SPTLC2: variants seen among roughly 807,000 people sequenced by gnomAD.
SPTLC2 encodes serine palmitoyltransferase 2.
Under a neutral mutation model 62.0 loss-of-function variants are expected in SPTLC2, and 21 were observed. That is an observed-to-expected ratio of 0.34 (90% confidence interval 0.24 to 0.49). The LOEUF (loss-of-function observed/expected upper bound fraction) is 0.49. Ranked by LOEUF, SPTLC2 falls within the 20% of genes least tolerant of loss-of-function variation. The probability of loss-of-function intolerance (pLI) is 0.99; values close to 1 mark genes in which losing one functional copy is unlikely to be tolerated. For synonymous variants in SPTLC2, 261 were observed against 261.8 expected (o/e 1.00, Z 0.03); for missense variants, 511 against 713.0 (o/e 0.72, Z 3.23).
intron 2 of SPTLC2, among the ~76,000 whole-genome samples, chr14:77,587,271 A>G (rs2079787031): frequency 6.6e-6 from 1 of 152,094 alleles, no homozygotes; most frequent in East Asian, 1.9e-4. Flanking sequence ...TAGGTGTACA[A>G]ACCAGTACAA....
At chr14:77,575,983 C>G (rs542713984) in intron 4 of SPTLC2, among the ~76,000 whole-genome samples, 1 of 152,140 alleles carries the variant, frequency 6.6e-6, no homozygotes, top group Non-Finnish European at 1.5e-5. Flanking sequence ...GTGAAACATG[C>G]GAATGAAGAA....
At chr14:77,560,961 C>T (rs1262051472) in intron 6 of SPTLC2, among the ~76,000 whole-genome samples, 1 of 150,978 alleles carries the variant, frequency 6.6e-6, no homozygotes, top group Non-Finnish European at 1.5e-5. Context: ...GTACACAAAC[C>T]CCCGAGACAT....
intron 9 of SPTLC2, among the ~76,000 whole-genome samples, chr14:77,532,651 GCA>G (rs2079446422): frequency 6.6e-6 from 1 of 152,082 alleles, no homozygotes; most frequent in Non-Finnish European, 1.5e-5. Context: ...GGGTGTGGTG[GCA>G]GGCGCCTGTA....
Position 77,521,362 on chromosome 14 carries a change from T to C in SPTLC2, c.1439+84A>G, listed in dbSNP as rs193189186. 316 of 1,567,910 alleles carry C rather than the reference T, an allele frequency of 2.0e-4. No individual in the cohort carries two copies. The African/African-American group carries it at 3.8e-3, about 19-fold the overall frequency. Reference sequence around the variant, plus strand: ...TAACACAGTAAGGACAAGACCATTTTCCCTAACAAAATACATAAGCCCTGG... The same window carrying C: ...TAACACAGTAAGGACAAGACCATTTCCCCTAACAAAATACATAAGCCCTGG... On this transcript the variant is annotated intron_variant, in intron 10 of 11. Coordinates refer to ENST00000216484, the MANE Select transcript of SPTLC2 (RefSeq NM_004863.4).
chr14:77,596,117 C>T (rs2079845589), intron 2 of SPTLC2, among the ~76,000 whole-genome samples: 1 of 152,086 alleles, frequency 6.6e-6, no homozygotes, highest in South Asian at 2.1e-4. Context: ...GTGGGTGGAT[C>T]ACAAGGTCAG....
chr14:77,544,016 C>T (rs1022440276), intron 9 of SPTLC2, among the ~76,000 whole-genome samples: 6 of 151,868 alleles, frequency 4.0e-5, no homozygotes, highest in African/African-American at 1.2e-4. Context: ...AGAGGATTGT[C>T]AAAAAGACAA....
At chr14:77,567,347 A>G (rs2079651060) in intron 5 of SPTLC2, among the ~76,000 whole-genome samples, 1 of 152,240 alleles carries the variant, frequency 6.6e-6, no homozygotes, top group South Asian at 2.1e-4. Flanking sequence ...GTAAGCATAC[A>G]GAGAGAAGAG....
At chr14:77,590,630 T>A (rs12885003) in intron 2 of SPTLC2, among the ~76,000 whole-genome samples, 60,448 of 152,082 alleles carry the variant, frequency 0.4, 12,593 homozygotes, top group East Asian at 0.61. Context: ...GAGAATTGCT[T>A]GAACCTGGGA....
At chr14:77,521,692 T>C (rs1254549261) in intron 9 of SPTLC2, 111 bp from the exon 10 acceptor site, 1 of 989,968 alleles carries the variant, frequency 1.0e-6, no homozygotes, top group African/African-American at 1.6e-5. Context: ...GTTTCGTTTT[T>C]TTCCATTTCA....
chr14:77,522,709 G>A (rs900108695), intron 9 of SPTLC2, among the ~76,000 whole-genome samples: 12 of 152,102 alleles, frequency 7.9e-5, no homozygotes, highest in Admixed American at 7.2e-4. Flanking sequence ...AGATCTGCTT[G>A]GAAAGGGCTA....
intron 1 of SPTLC2, among the ~76,000 whole-genome samples, chr14:77,598,395 T>G (rs1468270049): frequency 6.6e-6 from 1 of 152,202 alleles, no homozygotes; most frequent in African/African-American, 2.4e-5. Context: ...AGAGAAAGCC[T>G]GTCCCAAAAA....
At chr14:77,564,307 G>A (rs1447830869) in intron 5 of SPTLC2, among the ~76,000 whole-genome samples, 2 of 147,826 alleles carry the variant, frequency 1.4e-5, no homozygotes, top group Non-Finnish European at 3.0e-5. Flanking sequence ...AGGAGGAGAA[G>A]GAGGAGAAGG....
chr14:77,554,492 T>G (rs1485389571), intron 8 of SPTLC2, among the ~76,000 whole-genome samples: 2 of 152,242 alleles, frequency 1.3e-5, no homozygotes, highest in African/African-American at 4.8e-5. Context: ...TCACATATTT[T>G]AAAACATGCA....
At chr14:77,613,328 T>C (rs2079947836) in intron 1 of SPTLC2, among the ~76,000 whole-genome samples, 2 of 152,230 alleles carry the variant, frequency 1.3e-5, no homozygotes, top group Non-Finnish European at 2.9e-5. Context: ...CCAATGCTAA[T>C]GTAAAAGTTT....
At position 77,507,122 on chromosome 14, in the gene SPTLC2, A is replaced by G. The variant is rs1241105099; in HGVS notation, c.*5162T>C. On this transcript the variant is annotated 3_prime_UTR_variant, in exon 12 of 12. Transcript: ENST00000216484. ...AAAAAACATTTCTATTAGGGTCTTA[A>G]CCTAGCCCCTTTGGTTTCCTCCCTA... 1 of 152,214 alleles carries G rather than the reference A, an allele frequency of 6.6e-6. No individual in the cohort carries two copies. The highest frequency in any genetic ancestry group is 1.9e-4 in the East Asian group (1 of 5,200). The allele number at this position is 152,214 out of a possible 1,614,324, so 9.4% of individuals were successfully genotyped here. A position where few individuals can be genotyped will look rare whatever the true frequency, so the allele number is the denominator to read the frequency against.
chr14:77,519,918 TTTA>T (rs2079377877), intron 10 of SPTLC2, among the ~76,000 whole-genome samples: 1 of 152,030 alleles, frequency 6.6e-6, no homozygotes, highest in Admixed American at 6.6e-5. Flanking sequence ...AATGCACAAA[TTTA>T]TTTTTTCTCA....
chr14:77,572,966 CA>C (rs2079692126), intron 4 of SPTLC2, among the ~76,000 whole-genome samples: 1 of 152,224 alleles, frequency 6.6e-6, no homozygotes, highest in Non-Finnish European at 1.5e-5. Context: ...TCTCTACCAG[CA>C]ATAAAAGGCT....
intron 2 of SPTLC2, among the ~76,000 whole-genome samples, chr14:77,594,596 A>G (rs2079836097): frequency 6.6e-6 from 1 of 152,230 alleles, no homozygotes; most frequent in East Asian, 1.9e-4. Flanking sequence ...CGCTGTCTCT[A>G]TTTAAAAACA....
chr14:77,554,957 G>T, intron 8 of SPTLC2: 1 of 348,270 alleles, frequency 2.9e-6, no homozygotes, highest in South Asian at 2.5e-5. Flanking sequence ...GGGCTCCCAT[G>T]ACAACCCCAC....
Sources: allele counts gnomAD v4.1 joint callset (sites outside exome capture counted in the v4.1 genomes callset), GRCh38; gene constraint gnomAD v4.1.1; transcripts MANE v1.5; gene names NCBI Gene and HGNC (gene_info 2026-07-23, HGNC 2026-07-21).